The following GRIK4 variants were observed in gnomAD, a reference collection of about 807,000 sequenced individuals.
GRIK4 encodes glutamate receptor ionotropic, kainate 4.
In GRIK4, 40 loss-of-function variants were observed where a neutral mutation model predicts 104.9. That is an observed-to-expected ratio of 0.38 (90% CI 0.30 to 0.50). The LOEUF (loss-of-function observed/expected upper bound fraction) is 0.50, where lower values mean the gene tolerates loss of function less well. Ranked by LOEUF, GRIK4 falls within the 20% of genes least tolerant of loss-of-function variation. The pLI, the probability that GRIK4 is intolerant of heterozygous loss-of-function variation, is 0.93. For missense variants in GRIK4, 1,047 were observed against 1,308.1 expected, an observed-to-expected ratio of 0.80 and a Z score of 3.08; for synonymous variants, 485 against 524.9, an observed-to-expected ratio of 0.92 and a Z score of 1.04.
In GRIK4 at chr11:120,766,864, C is replaced by T. The variant is rs146579902; in HGVS notation, c.83-35829C>T. 2.2e-4 allele frequency among the ~76,000 whole-genome samples: 34 copies of T among 151,998 alleles called. No homozygotes were observed. In the East Asian group the frequency reaches 4.1e-3, roughly 18 times the overall value. On this transcript the variant is annotated intron_variant, in intron 3 of 20. Coordinates refer to ENST00000527524, the MANE Select transcript of GRIK4 (RefSeq NM_014619.5). ...AATAACCTGCCTTCTGCGTTGGTCTCGCTGGGAGCTGCAGACTGGAGCTGT... is the reference window on the plus strand; with the variant it reads ...AATAACCTGCCTTCTGCGTTGGTCTTGCTGGGAGCTGCAGACTGGAGCTGT...
At chr11:120,614,076 G>A (rs368283513) in intron 1 of GRIK4, among the ~76,000 whole-genome samples, 20 of 152,192 alleles carry the variant, frequency 1.3e-4, no homozygotes, top group African/African-American at 3.4e-4. Flanking sequence ...ATCCTCTCTC[G>A]CTTCCTTCTG....
intron 15 of GRIK4, among the ~76,000 whole-genome samples, chr11:120,954,160 A>G (rs559898429): frequency 6.6e-6 from 1 of 152,200 alleles, no homozygotes; most frequent in African/African-American, 2.4e-5. Context: ...GGCACTTCCC[A>G]GACTGCCAGA....
At chr11:120,633,316 G>A (rs1447384747) in intron 1 of GRIK4, among the ~76,000 whole-genome samples, 3 of 152,190 alleles carry the variant, frequency 2.0e-5, no homozygotes, top group African/African-American at 7.2e-5. Flanking sequence ...GCAGGGCCAG[G>A]CCTCATAGGA....
In GRIK4 at chr11:120,547,748, T is replaced by G. The variant is rs547302382; in HGVS notation, c.-159+35861T>G. Among the ~76,000 whole-genome samples the G allele has an allele frequency of 1.2e-4, 19 of 152,354 alleles. No homozygotes were observed. In the East Asian group the frequency reaches 2.7e-3, roughly 22 times the overall value. On this transcript the variant is annotated intron_variant, in intron 1 of 20. Transcript: ENST00000527524. ...AAGACAGCAACTGCCTAGTGTTTGG[T>G]AAATTCAGGCCCCTCCCCATGGGTC...
chr11:120,775,454 C>G (rs1270970958), intron 3 of GRIK4, among the ~76,000 whole-genome samples: 1 of 152,216 alleles, frequency 6.6e-6, no homozygotes, highest in African/African-American at 2.4e-5. Context: ...GAGTCCCTAC[C>G]TCTCAGACCT....
intron 1 of GRIK4, among the ~76,000 whole-genome samples, chr11:120,531,183 G>T (rs967212161): frequency 3.3e-5 from 5 of 152,190 alleles, no homozygotes; most frequent in African/African-American, 1.2e-4. Context: ...GAAAATGTGG[G>T]TGGATTTGCG....
Position 120,905,234 on chromosome 11 carries a change from C to A in GRIK4, c.1273-56C>A. ...TGTGCCCCTGGCCCTCCCCATCACA[C>A]GCGGGTGAGACACCAGGGCTAAGAT... On this transcript the variant is annotated intron_variant, in intron 12 of 20. Transcript: ENST00000527524. This position sits in a 1 kb window ranked among gnomAD's most constrained non-coding sequence, Gnocchi z 5.1. 1 of 1,309,876 alleles carries A rather than the reference C, an allele frequency of 7.6e-7. No homozygotes were observed. Among genetic ancestry groups the A allele is most frequent in the Non-Finnish European group, 1.1e-6 (1 of 904,970 alleles). The allele number at this position is 1,309,876 out of a possible 1,614,324, so 81.1% of individuals were successfully genotyped here.
chr11:120,739,455 C>A (rs1050379453), intron 3 of GRIK4, among the ~76,000 whole-genome samples: 2 of 152,162 alleles, frequency 1.3e-5, no homozygotes, highest in Non-Finnish European at 2.9e-5. Context: ...CTTCATGGAC[C>A]AGAGCTCCCT....
At chr11:120,631,044 C>G (rs979685024) in intron 1 of GRIK4, among the ~76,000 whole-genome samples, 1 of 152,206 alleles carries the variant, frequency 6.6e-6, no homozygotes, top group Non-Finnish European at 1.5e-5. Flanking sequence ...AGCCTCAGTT[C>G]TCTCATATGA....
intron 1 of GRIK4, among the ~76,000 whole-genome samples, chr11:120,521,880 G>A (rs558803450): frequency 1.3e-5 from 2 of 152,262 alleles, no homozygotes; most frequent in South Asian, 4.1e-4. Context: ...GGCTGCTGCC[G>A]CCTTCTGCTC....
At chr11:120,785,179 C>A (rs1451367189) in intron 3 of GRIK4, among the ~76,000 whole-genome samples, 1 of 152,170 alleles carries the variant, frequency 6.6e-6, no homozygotes, top group Non-Finnish European at 1.5e-5. Context: ...TCCTTTCCTC[C>A]AGCCTGGCTG....
At position 120,521,532 on chromosome 11, in the gene GRIK4, G is replaced by A. The variant is rs374221329; in HGVS notation, c.-159+9645G>A. On this transcript the variant is annotated intron_variant, in intron 1 of 20. Coordinates refer to ENST00000527524, the MANE Select transcript of GRIK4 (RefSeq NM_014619.5). ...ACTCTCAGAATTTCAGTAACTAGCC[G>A]AAAGCCACATAGTTATTTGATTGGA... Among the ~76,000 whole-genome samples, 37 of 152,254 alleles carry A rather than the reference G, an allele frequency of 2.4e-4. No homozygotes were observed. In the South Asian group the frequency reaches 6.2e-3, roughly 26 times the overall value.
intron 3 of GRIK4, among the ~76,000 whole-genome samples, chr11:120,664,710 A>C (rs1242498762): frequency 6.6e-6 from 1 of 152,232 alleles, no homozygotes; most frequent in East Asian, 1.9e-4. Context: ...AAGGAGTTGA[A>C]AGATGGAATC....
At chr11:120,700,485 G>A (rs1387872899) in intron 3 of GRIK4, among the ~76,000 whole-genome samples, 3 of 151,180 alleles carry the variant, frequency 2.0e-5, no homozygotes, top group Non-Finnish European at 2.9e-5. Flanking sequence ...TTGAGAGAGA[G>A]TCTTGCTCTG....
intron 1 of GRIK4, among the ~76,000 whole-genome samples, chr11:120,522,171 G>C (rs1226129750): frequency 6.6e-6 from 1 of 152,230 alleles, no homozygotes; most frequent in Non-Finnish European, 1.5e-5. Flanking sequence ...GGCCATCGCT[G>C]AGTTGGGCAG....
intron 3 of GRIK4, among the ~76,000 whole-genome samples, chr11:120,663,268 C>T (rs1370701829): frequency 1.3e-5 from 2 of 152,142 alleles, no homozygotes; most frequent in Non-Finnish European, 2.9e-5. Context: ...CCGGAAGGGA[C>T]TGTAAGGATT....
At chr11:120,751,081 C>T (rs762866188) in intron 3 of GRIK4, among the ~76,000 whole-genome samples, 68 of 152,110 alleles carry the variant, frequency 4.5e-4, no homozygotes, top group Admixed American at 7.9e-4. Flanking sequence ...GTGGGAAGAC[C>T]CCAGTGTGAG....
At chr11:120,651,079 C>T (rs568815092) in intron 1 of GRIK4, among the ~76,000 whole-genome samples, 1 of 152,234 alleles carries the variant, frequency 6.6e-6, no homozygotes, top group South Asian at 2.1e-4. Flanking sequence ...TTGATCTGGA[C>T]CTGCACTCTG....
In GRIK4 at chr11:120,534,614, A is replaced by G. The variant is rs150396468; in HGVS notation, c.-159+22727A>G. Among the ~76,000 whole-genome samples, 58 of 152,318 alleles carry G rather than the reference A, an allele frequency of 3.8e-4. No homozygotes were observed. In the East Asian group the frequency reaches 8.9e-3, roughly 23 times the overall value. ...ACCCAGGTAGAATGGGGGATAGTCC[A>G]TGGTGGAAAACGCTGTAGTAAGTAC... On this transcript the variant is annotated intron_variant, in intron 1 of 20. Coordinates refer to ENST00000527524, the MANE Select transcript of GRIK4 (RefSeq NM_014619.5).
Sources: allele counts gnomAD v4.1 joint callset (sites outside exome capture counted in the v4.1 genomes callset), GRCh38; gene constraint gnomAD v4.1.1; non-coding constraint Gnocchi (gnomAD v3.1); transcripts MANE v1.5; gene names NCBI Gene and HGNC (gene_info 2026-07-23, HGNC 2026-07-21).